TRIP4: variants seen among roughly 807,000 people sequenced by gnomAD.
TRIP4 encodes the protein thyroid hormone receptor interactor 4, also known as activating signal cointegrator 1.
Under a neutral mutation model 81.8 loss-of-function variants are expected in TRIP4, and 54 were observed. That is an observed-to-expected ratio of 0.66 (90% CI 0.53 to 0.83). The LOEUF (loss-of-function observed/expected upper bound fraction) is 0.83, where lower values mean the gene tolerates loss of function less well. Ranked by LOEUF, TRIP4 falls within the 40% of genes least tolerant of loss-of-function variation. The pLI is 0.00. For missense variants in TRIP4, 662 were observed against 683.6 expected (o/e 0.97, Z 0.35); for synonymous variants, 270 against 242.8 (o/e 1.11, Z -1.04).
intron 1 of TRIP4, among the ~76,000 whole-genome samples, chr15:64,391,463 C>G (rs1441966016): frequency 6.6e-6 from 1 of 151,858 alleles, no homozygotes; most frequent in Non-Finnish European, 1.5e-5. Context: ...CCTTAACTTT[C>G]TAATTAGTGA....
intron 3 of TRIP4, among the ~76,000 whole-genome samples, chr15:64,396,379 C>T (rs1351957304): frequency 6.8e-6 from 1 of 148,074 alleles, no homozygotes; most frequent in Non-Finnish European, 1.5e-5. Flanking sequence ...CTGGTTCAAA[C>T]GATTCTCCTG....
At chr15:64,388,214 C>A (rs2140540864) in intron 1 of TRIP4, among the ~76,000 whole-genome samples, 1 of 152,302 alleles carries the variant, frequency 6.6e-6, no homozygotes, top group East Asian at 1.9e-4. Flanking sequence ...ATTAGAAATG[C>A]AAGGCTGTCC....
intron 7 of TRIP4, among the ~76,000 whole-genome samples, chr15:64,410,269 G>A (rs911791473): frequency 1.1e-4 from 17 of 151,958 alleles, no homozygotes; most frequent in Admixed American, 3.3e-4. Context: ...CAAGTGATCC[G>A]CCTACCTCAG....
intron 11 of TRIP4, among the ~76,000 whole-genome samples, chr15:64,435,822 T>TAAAAAA (rs57170652): frequency 4.9e-4 from 32 of 65,856 alleles, no homozygotes; most frequent in Admixed American, 1.2e-3. Context: ...GGAAGCTTCT[T>TAAAAAA]AAAAAAAAAA....
chr15:64,408,138 T>C (rs1891670615), intron 6 of TRIP4, among the ~76,000 whole-genome samples: 1 of 144,646 alleles, frequency 6.9e-6, no homozygotes, highest in Non-Finnish European at 1.5e-5. Flanking sequence ...TAAAAAAGTT[T>C]CTACTCTAAG....
intron 5 of TRIP4, among the ~76,000 whole-genome samples, chr15:64,402,337 C>G (rs900016246): frequency 8.1e-5 from 12 of 149,040 alleles, no homozygotes; most frequent in African/African-American, 3.0e-4. Flanking sequence ...ATTCTTCTGC[C>G]TCAGCCTCCC....
In TRIP4 at chr15:64,413,979, C is replaced by G. The variant is rs1335257841; in HGVS notation, c.1044-106C>G. On this transcript the variant is annotated intron_variant, in intron 7 of 12. Coordinates refer to ENST00000261884, the MANE Select transcript of TRIP4 (RefSeq NM_016213.5). ...TAGGGAAGGTCATCCATAGACTCCT[C>G]TTTATATTCCAAATTTTATTACTAT... 4.4e-6 allele frequency: 6 copies of G among 1,353,274 alleles called. No individual in the cohort carries two copies. In the African/African-American group the frequency reaches 7.3e-5, roughly 16 times the overall value. The allele number at this position is 1,353,274 out of a possible 1,614,324, so 83.8% of individuals were successfully genotyped here.
intron 5 of TRIP4, among the ~76,000 whole-genome samples, chr15:64,403,405 C>T (rs146841355): frequency 0.013 from 1,988 of 148,212 alleles, 33 homozygotes; most frequent in African/African-American, 0.048. Flanking sequence ...GTGTTCCACC[C>T]GCCTCGGCCT....
intron 11 of TRIP4, among the ~76,000 whole-genome samples, chr15:64,434,495 A>T (rs1159587607): frequency 6.6e-6 from 1 of 152,126 alleles, no homozygotes; most frequent in African/African-American, 2.4e-5. Context: ...TAGACATATC[A>T]GTTGTGGGAT....
intron 7 of TRIP4, among the ~76,000 whole-genome samples, chr15:64,410,426 G>A (rs1192546879): frequency 6.6e-6 from 1 of 152,174 alleles, no homozygotes; most frequent in East Asian, 1.9e-4. Flanking sequence ...GTGTTTGTAT[G>A]TGTGCATGGG....
In TRIP4 at chr15:64,390,890, G is replaced by A. The variant is rs868109312; in HGVS notation, c.101+2926G>A. On this transcript the variant is annotated intron_variant, in intron 1 of 12. Transcript: ENST00000261884. ...AGCCTGGGCGACAGAGCGAGACTCCGTCTCAAAAAAAAAAAAAAATTATAT... is the reference window on the plus strand; with the variant it reads ...AGCCTGGGCGACAGAGCGAGACTCCATCTCAAAAAAAAAAAAAAATTATAT... Among the ~76,000 whole-genome samples, 20 of 150,122 alleles carry A rather than the reference G, an allele frequency of 1.3e-4. No individual in the cohort carries two copies. The Middle Eastern group carries it at 0.01, about 79-fold the overall frequency.
At chr15:64,416,957 C>T (rs1157353136) in intron 8 of TRIP4, among the ~76,000 whole-genome samples, 2 of 152,082 alleles carry the variant, frequency 1.3e-5, no homozygotes, top group African/African-American at 4.8e-5. Flanking sequence ...GGGTTAAATG[C>T]CTAGGGTTTC....
intron 11 of TRIP4, among the ~76,000 whole-genome samples, chr15:64,432,426 C>T (rs1044825764): frequency 6.4e-5 from 2 of 31,440 alleles, no homozygotes; most frequent in Non-Finnish European, 3.2e-4. Context: ...CCAGCTTGAC[C>T]AGCTTGGTGA....
intron 12 of TRIP4, among the ~76,000 whole-genome samples, chr15:64,452,194 C>T (rs1053552475): frequency 4.6e-5 from 7 of 152,096 alleles, no homozygotes; most frequent in Non-Finnish European, 8.8e-5. Flanking sequence ...GTTGGCCAGA[C>T]TGGTCTGGAA....
At chr15:64,441,815 A>G (rs1455688797) in intron 11 of TRIP4, among the ~76,000 whole-genome samples, 1 of 152,192 alleles carries the variant, frequency 6.6e-6, no homozygotes, top group East Asian at 1.9e-4. Context: ...CTGGAGAGGT[A>G]GTTTAAGAGT....
chr15:64,418,631 C>T lies in TRIP4; in HGVS notation c.1261C>T (p.Arg421Ter), dbSNP rs769545692. The T allele has an allele frequency of 5.6e-6, 9 of 1,613,738 alleles. No homozygotes were observed. The highest frequency in any genetic ancestry group is 1.3e-5 in the African/African-American group (1 of 74,854). The change falls in exon 9 of 13, where the codon CGA becomes TGA. Residue 421 changes from arginine (R) to a stop codon, truncating the protein, a stop_gained. Transcript: ENST00000261884. LOFTEE classifies it high-confidence loss of function. The part of the protein sequence containing the change: ...LEFNSFQHQL[R>*]IQDQEFQEGF... ...GTTCAACTCATTTCAGCACCAGTTG[C>T]GAATCCAGGATCAAGAATTTCAGGA...
intron 6 of TRIP4, among the ~76,000 whole-genome samples, 162 bp from the exon 7 acceptor site, chr15:64,409,451 A>G (rs1008436050): frequency 1.3e-5 from 2 of 152,138 alleles, no homozygotes; most frequent in Non-Finnish European, 2.9e-5. Context: ...AGGTTGAGAT[A>G]AGTTCTAGGA....
chr15:64,430,692 A>G (rs979366781), intron 11 of TRIP4, among the ~76,000 whole-genome samples: 1 of 152,144 alleles, frequency 6.6e-6, no homozygotes, highest in African/African-American at 2.4e-5. Context: ...TTTGTCTGAA[A>G]TCTCCAAGGT....
At chr15:64,408,128 T>TA (rs962333126) in intron 6 of TRIP4, among the ~76,000 whole-genome samples, 53 of 144,942 alleles carry the variant, frequency 3.7e-4, no homozygotes, top group African/African-American at 1.3e-3. Context: ...AGAGTACTGT[T>TA]AAAAAAGTTT....
Sources: gnomAD v4.1 joint callset for allele counts (sites outside exome capture counted in the v4.1 genomes callset) on GRCh38, gnomAD v4.1.1 for gene constraint, MANE v1.5 for transcripts, NCBI Gene and HGNC (gene_info 2026-07-23, HGNC 2026-07-21) for gene names.